Variants in SLC1A7 observed in about 807,000 individuals in gnomAD.
SLC1A7 encodes excitatory amino acid transporter 5.
A neutral mutation model predicts 47.7 loss-of-function variants in SLC1A7; 40 were observed. The ratio of observed to expected loss-of-function variants is 0.84; its 90% CI spans 0.65 to 1.09. The LOEUF is 1.09. Ranked by LOEUF, SLC1A7 falls within the 50% of genes least tolerant of loss-of-function variation. The pLI, the probability that SLC1A7 is intolerant of heterozygous loss-of-function variation, is 0.00. For missense variants in SLC1A7, 746 were observed against 769.5 expected (o/e 0.97, Z 0.36); for synonymous variants, 323 against 325.6 (o/e 0.99, Z 0.09).
intron 2 of SLC1A7, among the ~76,000 whole-genome samples, chr1:53,119,555 A>C (rs1419569000): frequency 3.9e-5 from 6 of 152,034 alleles, no homozygotes; most frequent in African/African-American, 1.4e-4. Flanking sequence ...TATCTTGATG[A>C]TGCCCAATCT....
intron 6 of SLC1A7, among the ~76,000 whole-genome samples, chr1:53,093,126 G>A (rs1401833658): frequency 6.6e-6 from 1 of 152,196 alleles, no homozygotes; most frequent in East Asian, 1.9e-4. Context: ...TGTGGGCCGA[G>A]GACTCTGAAC....
intron 1 of SLC1A7, among the ~76,000 whole-genome samples, chr1:53,135,216 C>A (rs1644979407): frequency 6.6e-6 from 1 of 152,286 alleles, no homozygotes; most frequent in African/African-American, 2.4e-5. Flanking sequence ...GAGGACAGAG[C>A]CGAGTACTGT....
At chr1:53,137,299 A>AAAAAAAAAAAAAAAAAAAG (rs71044460) in intron 1 of SLC1A7, among the ~76,000 whole-genome samples, 1 of 139,694 alleles carries the variant, frequency 7.2e-6, no homozygotes. Flanking sequence ...AAAAAAAAAA[A>AAAAAAAAAAAAAAAAAAAG]GTGCTCTACT....
chr1:53,121,877 G>A (rs1235383973), intron 2 of SLC1A7, among the ~76,000 whole-genome samples: 1 of 152,214 alleles, frequency 6.6e-6, no homozygotes, highest in African/African-American at 2.4e-5. Context: ...GGCTTCAGAA[G>A]CCCGGGGGCT....
At chr1:53,116,597 G>T (rs1161550374) in intron 2 of SLC1A7, among the ~76,000 whole-genome samples, 1 of 152,164 alleles carries the variant, frequency 6.6e-6, no homozygotes, top group African/African-American at 2.4e-5. Flanking sequence ...GGAAATGGGG[G>T]GCTGCCCTGC....
At position 53,140,727 on chromosome 1, in the gene SLC1A7, AGTAGACAT is replaced by A. The variant is rs369168866; in HGVS notation, c.135+1580_135+1587del. 4.6e-4 allele frequency among the ~76,000 whole-genome samples: 70 copies of A among 152,292 alleles called. 1 individual carries two copies. The highest frequency in any genetic ancestry group is 1.5e-3 in the African/African-American group (63 of 41,556). Reference sequence around the variant, plus strand: ...TTGGTTTATTCCTCATAATAATTCTAGTAGACATATACTGCCCCACATCCCATTTTACA... The same window carrying A: ...TTGGTTTATTCCTCATAATAATTCTAATACTGCCCCACATCCCATTTTACA... On this transcript the variant is annotated intron_variant, in intron 1 of 10. Coordinates refer to ENST00000371494, the MANE Select transcript of SLC1A7 (RefSeq NM_006671.6).
chr1:53,129,425 C>T (rs1644916143), intron 2 of SLC1A7, among the ~76,000 whole-genome samples: 1 of 152,102 alleles, frequency 6.6e-6, no homozygotes, highest in African/African-American at 2.4e-5. Flanking sequence ...TTTCAACCAC[C>T]CCCGCCCATG....
chr1:53,125,656 C>A (rs563853542), intron 2 of SLC1A7, among the ~76,000 whole-genome samples: 16 of 152,290 alleles, frequency 1.1e-4, no homozygotes, highest in African/African-American at 2.2e-4. Context: ...GCTTTAGGAA[C>A]AATTATTGAG....
chr1:53,112,120 C>G (rs1023122567), intron 3 of SLC1A7, among the ~76,000 whole-genome samples: 11 of 152,174 alleles, frequency 7.2e-5, no homozygotes, highest in Non-Finnish European at 1.5e-4. Context: ...CTTGCTTTGG[C>G]CAAGAGGGTA....
chr1:53,121,277 C>T (rs1430563776), intron 2 of SLC1A7, among the ~76,000 whole-genome samples: 1 of 152,174 alleles, frequency 6.6e-6, no homozygotes, highest in Non-Finnish European at 1.5e-5. Flanking sequence ...AAAAGGACGA[C>T]TTGTGTGCCC....
In SLC1A7 at chr1:53,137,299, A is replaced by AAAAAAAAAAAAAAG. The variant is rs71044460; in HGVS notation, c.136-2871_136-2870insCTTTTTTTTTTTTT. On this transcript the variant is annotated intron_variant, in intron 1 of 10. Transcript: ENST00000371494. ...GAGACGCTATCTCCAAAAAAAAAAA[A>AAAAAAAAAAAAAAG]GTGCTCTACTGATAAAAAGGCAGCT... Among the ~76,000 whole-genome samples, 10 of 139,746 alleles carry AAAAAAAAAAAAAAG rather than the reference A, an allele frequency of 7.2e-5. 1 individual carries two copies. Among genetic ancestry groups the AAAAAAAAAAAAAAG allele is most frequent in the African/African-American group, 1.1e-4 (4 of 37,598 alleles). 91.7% of individuals were successfully genotyped at this position (139,746 alleles called of 152,430 possible).
At chr1:53,110,253 C>G (rs1441642812) in intron 3 of SLC1A7, among the ~76,000 whole-genome samples, 1 of 152,206 alleles carries the variant, frequency 6.6e-6, no homozygotes, top group Admixed American at 6.5e-5. Flanking sequence ...CTGGCCTGCC[C>G]AGGGCCACAC....
chr1:53,127,188 C>T (rs1003317120), intron 2 of SLC1A7, among the ~76,000 whole-genome samples: 2 of 152,144 alleles, frequency 1.3e-5, no homozygotes, highest in African/African-American at 4.8e-5. Flanking sequence ...TTTCCCTGAA[C>T]TCTGCTGCCG....
intron 3 of SLC1A7, among the ~76,000 whole-genome samples, chr1:53,106,674 G>T (rs933304402): frequency 6.6e-6 from 1 of 151,932 alleles, no homozygotes; most frequent in African/African-American, 2.4e-5. Flanking sequence ...GTAAGCTGTA[G>T]CCTAGAAACA....
intron 5 of SLC1A7, among the ~76,000 whole-genome samples, chr1:53,101,179 C>T (rs1273374046): frequency 6.6e-6 from 1 of 150,992 alleles, no homozygotes; most frequent in African/African-American, 2.4e-5. Flanking sequence ...TGCCTCGGAA[C>T]ACTCACACAA....
rs1212141950 is a variant in SLC1A7 at position 53,114,757 on chromosome 1, C to A, written c.431+1G>T. The A allele has an allele frequency of 7.4e-6, 12 of 1,613,112 alleles. No homozygotes were observed. Among genetic ancestry groups the A allele is most frequent in the Admixed American group, 1.7e-5 (1 of 60,000 alleles). ...AGCGGGGTGTGGGTGGCAATAGTTA[C>A]CGGATGAGGTCCAACAGGGCATCGG... On this transcript the variant is annotated splice_donor_variant, in intron 3 of 10. Transcript: ENST00000371494. LOFTEE classifies it high-confidence loss of function.
At chr1:53,141,937 G>C (rs1288366) in intron 1 of SLC1A7, among the ~76,000 whole-genome samples, 150,966 of 152,268 alleles carry the variant, frequency 0.99, 74,847 homozygotes, top group Middle Eastern at 1. Context: ...CCTAGAGCAC[G>C]CTTCCTGGAT....
chr1:53,132,750 G>A (rs192518363), intron 2 of SLC1A7, among the ~76,000 whole-genome samples: 1 of 152,282 alleles, frequency 6.6e-6, no homozygotes, highest in African/African-American at 2.4e-5. Context: ...GGGGGCTGAG[G>A]TAGGAGGATC....
At chr1:53,127,636 G>A (rs1644897509) in intron 2 of SLC1A7, among the ~76,000 whole-genome samples, 1 of 152,220 alleles carries the variant, frequency 6.6e-6, no homozygotes, top group African/African-American at 2.4e-5. Flanking sequence ...GTGGTTATGT[G>A]GTAGAAGACT....
Sources: allele counts gnomAD v4.1 joint callset (sites outside exome capture counted in the v4.1 genomes callset), GRCh38; gene constraint gnomAD v4.1.1; transcripts MANE v1.5; gene names NCBI Gene and HGNC (gene_info 2026-07-23, HGNC 2026-07-21).